The following SLC47A1 variants were observed in gnomAD, a reference collection of about 807,000 sequenced individuals.
SLC47A1 encodes solute carrier family 47 member 1, also known as multidrug and toxin extrusion protein 1.
In SLC47A1, 58 loss-of-function variants were observed where a neutral mutation model predicts 65.8. That is an observed-to-expected ratio of 0.88 (90% CI 0.71 to 1.10). SLC47A1 has a LOEUF of 1.10. Ranked by LOEUF, SLC47A1 falls within the 50% of genes least tolerant of loss-of-function variation. SLC47A1 has a pLI of 0.00. For synonymous variants in SLC47A1, 285 were observed against 295.0 expected, an observed-to-expected ratio of 0.97 and a Z score of 0.35; for missense variants, 706 against 719.2, an observed-to-expected ratio of 0.98 and a Z score of 0.21.
intron 2 of SLC47A1, among the ~76,000 whole-genome samples, chr17:19,545,727 C>T (rs189336169): frequency 4.4e-4 from 67 of 151,222 alleles, no homozygotes; most frequent in African/African-American, 1.3e-3. Context: ...TGGGCTCAAA[C>T]GATCCTCCCA....
At chr17:19,544,892 T>C (rs1916247325) in intron 2 of SLC47A1, among the ~76,000 whole-genome samples, 1 of 152,214 alleles carries the variant, frequency 6.6e-6, no homozygotes, top group Non-Finnish European at 1.5e-5. Context: ...GTAATAGGCT[T>C]GTCAACTTGC....
chr17:19,566,687 A>G lies in SLC47A1; in HGVS notation c.1107-103A>G. On this transcript the variant is annotated intron_variant, in intron 12 of 16. Transcript: ENST00000270570. ...TGATCCTCCCGCCTCAGCCTCCCAA[A>G]GTGCTGAGATTACAGGCATGAGCCA... 3 of 1,042,586 alleles carry G rather than the reference A, an allele frequency of 2.9e-6. No homozygotes were observed. In the South Asian group the frequency reaches 4.2e-5, roughly 15 times the overall value. 64.6% of individuals were successfully genotyped at this position (1,042,586 alleles called of 1,614,324 possible).
intron 14 of SLC47A1, among the ~76,000 whole-genome samples, chr17:19,569,110 G>A (rs1484687920): frequency 3.9e-5 from 6 of 152,032 alleles, no homozygotes. Flanking sequence ...AGTGGCTCAT[G>A]CCTGTAATTC....
intron 15 of SLC47A1, 92 bp downstream of exon 15, chr17:19,571,664 T>C: frequency 9.6e-6 from 9 of 937,800 alleles, no homozygotes; most frequent in Non-Finnish European, 1.5e-5. Flanking sequence ...GAAAGTTCTT[T>C]TCTCATTTTC....
At position 19,578,015 on chromosome 17, in the gene SLC47A1, C is replaced by G. The variant is rs1179621818; in HGVS notation, c.*462C>G. 1 of 1,244,728 alleles carries G rather than the reference C, an allele frequency of 8.0e-7. No individual in the cohort carries two copies. The highest frequency in any genetic ancestry group is 2.3e-5 in the Admixed American group (1 of 43,190). 77.1% of individuals were successfully genotyped at this position (1,244,728 alleles called of 1,614,324 possible). On this transcript the variant is annotated 3_prime_UTR_variant, in exon 17 of 17. Coordinates refer to ENST00000270570, the MANE Select transcript of SLC47A1 (RefSeq NM_018242.3). ...TTTTTTTTAATAGACGGAAGTCTTG[C>G]TCTGTCATGCAGGCTGGAGTGCGGT...
intron 12 of SLC47A1, among the ~76,000 whole-genome samples, 166 bp from the exon 13 acceptor site, chr17:19,566,624 C>T (rs1260543006): frequency 6.6e-6 from 1 of 152,074 alleles, no homozygotes; most frequent in Non-Finnish European, 1.5e-5. Context: ...GGGGTTTCAC[C>T]ATGTTGGCCA....
chr17:19,534,251 G>A (rs1044170415), intron 1 of SLC47A1, 177 bp downstream of exon 1: 3 of 782,110 alleles, frequency 3.8e-6, no homozygotes, highest in Non-Finnish European at 5.5e-6. Context: ...CCTGCGTCCC[G>A]GCCGCTTTCC....
chr17:19,542,421 T>A lies in SLC47A1; in HGVS notation c.164T>A (p.Ile55Asn). The change falls in exon 2 of 17, where the codon ATC becomes AAC. Residue 55 changes from isoleucine (I) to asparagine (N), a missense_variant. Physicochemically the swap from Ile to Asn is moderately radical, Grantham distance 149. Coordinates refer to ENST00000270570, the MANE Select transcript of SLC47A1 (RefSeq NM_018242.3). Reference sequence around the variant, plus strand: ...TTGGTTCAGCTGATGGTGTTCCTGATCAGCTTCATAAGCTCCGTGTTCTGT... The same window carrying A: ...TTGGTTCAGCTGATGGTGTTCCTGAACAGCTTCATAAGCTCCGTGTTCTGT... ...AFLVQLMVFL[I>N]SFISSVFCGH... The A allele has an allele frequency of 6.2e-7, 1 of 1,610,814 alleles. No individual in the cohort carries two copies. The highest frequency in any genetic ancestry group is 8.5e-7 in the Non-Finnish European group (1 of 1,178,650).
At position 19,555,233 on chromosome 17, in the gene SLC47A1, G is replaced by T; in HGVS notation, c.565G>T (p.Val189Leu). 6.2e-7 allele frequency: 1 copy of T among 1,614,172 alleles called. No homozygotes were observed. The highest frequency in any genetic ancestry group is 2.2e-5 in the East Asian group (1 of 44,886). ...LNQGIVLPQI[V>L]TGVAANLVNA... ...CCAGGGAATTGTACTGCCCCAGATC[G>T]TAACTGGAGTTGCAGCCAACCTTGT... Residue 189 changes from valine (V) to leucine (L), a missense_variant, in exon 7 of 17, where the codon GTA (valine) becomes TTA (leucine). By Grantham distance (32) the Val-to-Leu change is conservative. Coordinates refer to ENST00000270570, the MANE Select transcript of SLC47A1 (RefSeq NM_018242.3).
rs745924200 is a variant in SLC47A1, at chr17:19,549,626, G to T, written c.456-9G>T. ...CAGTTTTTGTTTTCTTTTTCTTTTC[G>T]TTATTTAGGCTTACCCAGACCTATG... On this transcript the variant is annotated splice_polypyrimidine_tract_variant and intron_variant, in intron 4 of 16. Coordinates refer to ENST00000270570, the MANE Select transcript of SLC47A1 (RefSeq NM_018242.3). 1 of 1,613,606 alleles carries T rather than the reference G, an allele frequency of 6.2e-7. No homozygotes were observed. Among genetic ancestry groups the T allele is most frequent in the South Asian group, 1.1e-5 (1 of 91,064 alleles).
At chr17:19,564,797 C>T (rs758895788) in intron 12 of SLC47A1, among the ~76,000 whole-genome samples, 7 of 151,952 alleles carry the variant, frequency 4.6e-5, no homozygotes, top group Non-Finnish European at 7.4e-5. Flanking sequence ...CTCGGCTCAT[C>T]GCAATCTCCG....
intron 6 of SLC47A1, among the ~76,000 whole-genome samples, chr17:19,551,702 C>T (rs904752756): frequency 6.6e-6 from 1 of 152,224 alleles, no homozygotes; most frequent in African/African-American, 2.4e-5. Flanking sequence ...AAACTCTTAT[C>T]CAATTCCCAC....
intron 1 of SLC47A1, among the ~76,000 whole-genome samples, chr17:19,538,541 C>T (rs777505324): frequency 3.3e-4 from 50 of 152,224 alleles, no homozygotes; most frequent in Admixed American, 7.9e-4. Context: ...CTGTGGGTCC[C>T]GTGGGGCAGG....
In SLC47A1 at chr17:19,533,865, G is replaced by GCGCGGTACCCACTGCCGGCCTC. The variant is rs1915912573; in HGVS notation, c.-67_-66insCCACTGCCGGCCTCCGCGGTAC. On this transcript the variant is annotated 5_prime_UTR_variant, in exon 1 of 17. Transcript: ENST00000270570. ...ACTGCGCGGTACCCACTGCCGGCCT[G>GCGCGGTACCCACTGCCGGCCTC]CGCGGTACTCACTGCCGGCCTCCGC... The GCGCGGTACCCACTGCCGGCCTC allele has an allele frequency of 5.5e-5, 76 of 1,386,952 alleles. No homozygotes were observed. Among genetic ancestry groups the GCGCGGTACCCACTGCCGGCCTC allele is most frequent in the Non-Finnish European group, 6.8e-5 (73 of 1,071,226 alleles). The allele number at this position is 1,386,952 out of a possible 1,614,324, so 85.9% of individuals were successfully genotyped here.
At position 19,548,140 on chromosome 17, in the gene SLC47A1, T is replaced by C; in HGVS notation, c.455+7T>C. The C allele has an allele frequency of 1.5e-5, 24 of 1,607,848 alleles. No homozygotes were observed. The highest frequency in any genetic ancestry group is 2.0e-5 in the Non-Finnish European group (24 of 1,176,060). ...AGGACCCAGATGTGTCCAGGTAAGA[T>C]GGAACCTGTCGCAGCGGGACTTGGC... On this transcript the variant is annotated splice_region_variant and intron_variant, in intron 4 of 16. Coordinates refer to ENST00000270570, the MANE Select transcript of SLC47A1 (RefSeq NM_018242.3).
At chr17:19,565,877 G>T (rs1188891988) in intron 12 of SLC47A1, among the ~76,000 whole-genome samples, 1 of 152,018 alleles carries the variant, frequency 6.6e-6, no homozygotes, top group Non-Finnish European at 1.5e-5. Context: ...CACCGTGCCT[G>T]GTGGTCTGAA....
chr17:19,572,657 G>A, intron 15 of SLC47A1, 123 bp from the exon 16 acceptor site: 1 of 822,658 alleles, frequency 1.2e-6, no homozygotes, highest in Non-Finnish European at 2.1e-6. Context: ...CTGTGAATGA[G>A]AGGAACTTCA....
intron 2 of SLC47A1, among the ~76,000 whole-genome samples, chr17:19,544,569 G>A (rs1292433378): frequency 2.0e-5 from 3 of 152,170 alleles, no homozygotes; most frequent in South Asian, 4.1e-4. Flanking sequence ...TAGGCTCCTC[G>A]AAACTTCAGG....
At chr17:19,576,909 G>A (rs577094597) in intron 16 of SLC47A1, among the ~76,000 whole-genome samples, 1 of 152,156 alleles carries the variant, frequency 6.6e-6, no homozygotes, top group African/African-American at 2.4e-5. Flanking sequence ...CACCATGTCC[G>A]GCTAATTTTG....
Sources: gnomAD v4.1 joint callset for allele counts (sites outside exome capture counted in the v4.1 genomes callset) on GRCh38, gnomAD v4.1.1 for gene constraint, MANE v1.5 for transcripts, NCBI Gene and HGNC (gene_info 2026-07-23, HGNC 2026-07-21) for gene names.